The following ZAP70 variants were observed in gnomAD, a reference collection of about 807,000 sequenced individuals.
ZAP70 encodes the protein tyrosine-protein kinase ZAP-70.
In ZAP70, 27 loss-of-function variants were observed where a neutral mutation model predicts 65.8. The observed-to-expected ratio is 0.41, with a 90% CI of 0.30 to 0.57. ZAP70 has a LOEUF of 0.57. Ranked by LOEUF, ZAP70 falls within the 20% of genes least tolerant of loss-of-function variation. ZAP70 has a pLI of 0.28. For missense variants in ZAP70, 696 were observed against 870.5 expected (o/e 0.80, Z 2.52); for synonymous variants, 363 against 360.8 (o/e 1.01, Z -0.07).
In ZAP70 at chr2:97,739,651, C is replaced by A; in HGVS notation, c.*153C>A. 2 of 1,194,680 alleles carry A rather than the reference C, an allele frequency of 1.7e-6. No individual in the cohort carries two copies. The highest frequency in any genetic ancestry group is 2.3e-6 in the Non-Finnish European group (2 of 862,026). 74.0% of individuals were successfully genotyped at this position (1,194,680 alleles called of 1,614,324 possible). ...CTCAGGCCACACCGGCCTTGCATTGCCTGCCTGGCCCCCTGTCCTCTCTGG... is the reference window on the plus strand; with the variant it reads ...CTCAGGCCACACCGGCCTTGCATTGACTGCCTGGCCCCCTGTCCTCTCTGG... On this transcript the variant is annotated 3_prime_UTR_variant, in exon 14 of 14. Transcript: ENST00000264972.
the ZAP70 span, among the ~76,000 whole-genome samples, chr2:97,753,849 TGTG>T: frequency 6.6e-6 from 1 of 151,992 alleles, no homozygotes; most frequent in South Asian, 2.1e-4. Flanking sequence ...ATTAGCCAGA[TGTG>T]GTGGTCCGTG....
intron 4 of ZAP70, among the ~76,000 whole-genome samples, chr2:97,727,481 C>T (rs1275556724): frequency 1.3e-5 from 2 of 152,310 alleles, no homozygotes; most frequent in Admixed American, 1.3e-4. Context: ...CACCCCACCC[C>T]AGGTGTGACC....
downstream of ZAP70, among the ~76,000 whole-genome samples, chr2:97,743,165 T>C (rs1199753920): frequency 6.6e-6 from 1 of 152,226 alleles, no homozygotes; most frequent in Non-Finnish European, 1.5e-5. Context: ...GAGTTAGGCC[T>C]TGGTTCTGGC....
At chr2:97,752,030 T>C in the ZAP70 span, among the ~76,000 whole-genome samples, 37 of 152,302 alleles carry the variant, frequency 2.4e-4, no homozygotes, top group Admixed American at 1.3e-3. Flanking sequence ...AGTATCTCTG[T>C]CATTAGAAGT....
At chr2:97,725,304 G>T in intron 4 of ZAP70, 52 bp downstream of exon 4, 1 of 1,601,102 alleles carries the variant, frequency 6.2e-7, no homozygotes, top group South Asian at 1.1e-5. Flanking sequence ...TCGTTGGCAG[G>T]GATCCTGGGG....
At chr2:97,735,658 C>T (rs536057783) in intron 10 of ZAP70, among the ~76,000 whole-genome samples, 2 of 152,240 alleles carry the variant, frequency 1.3e-5, no homozygotes, top group Admixed American at 6.5e-5. Flanking sequence ...TGCACCAGTG[C>T]GGTAATAACA....
chr2:97,742,615 T>G (rs1169674895), downstream of ZAP70, among the ~76,000 whole-genome samples: 2 of 152,260 alleles, frequency 1.3e-5, no homozygotes, highest in Non-Finnish European at 2.9e-5. Context: ...TGGGGTCCCA[T>G]GTGCCTGTAG....
At chr2:97,732,299 G>A (rs1369398115) in intron 4 of ZAP70, among the ~76,000 whole-genome samples, 2 of 152,220 alleles carry the variant, frequency 1.3e-5, no homozygotes, top group Non-Finnish European at 2.9e-5. Context: ...GCACAGGGGT[G>A]CCCTGTAAGC....
At chr2:97,733,262 GC>G (rs1559325889) in intron 6 of ZAP70, 34 bp from the exon 7 acceptor site, 4 of 1,608,938 alleles carry the variant, frequency 2.5e-6, no homozygotes, top group East Asian at 4.5e-5. Context: ...AGGAGACCTG[GC>G]CCCCAGCCCT....
At position 97,734,996 on chromosome 2, in the gene ZAP70, G is replaced by C. The variant is rs993814273; in HGVS notation, c.1083-254G>C. 7.3e-4 allele frequency: 474 copies of C among 646,202 alleles called. 2 individuals carry two copies. Among genetic ancestry groups the C allele is most frequent in the Non-Finnish European group, 6.5e-4 (247 of 377,696 alleles). The allele number at this position is 646,202 out of a possible 1,614,324, so 40.0% of individuals were successfully genotyped here. On this transcript the variant is annotated intron_variant, in intron 9 of 13. Transcript: ENST00000264972. ...CCCTGAGTCCACTGGCCCCTGACAG[G>C]CTGCCCCTGGGGAGGGTGTCACTTT... is the stretch of plus-strand genomic sequence containing the variant.
chr2:97,738,441 G>A (rs1678002252), intron 13 of ZAP70: 1 of 393,242 alleles, frequency 2.5e-6, no homozygotes, highest in Non-Finnish European at 4.9e-6. Flanking sequence ...CTCAGGGCAT[G>A]AGATGATTCT....
intron 10 of ZAP70, among the ~76,000 whole-genome samples, chr2:97,735,794 A>T (rs1677851367): frequency 6.6e-6 from 1 of 152,194 alleles, no homozygotes; most frequent in Non-Finnish European, 1.5e-5. Flanking sequence ...CGGGTGGATC[A>T]TGAGGTCAAG....
Position 97,733,638 on chromosome 2 carries a change from A to C in ZAP70, c.889+43A>C, listed in dbSNP as rs56081234. 5.9e-3 allele frequency: 9,533 copies of C among 1,609,852 alleles called. 472 individuals are homozygous for C. The African/African-American group carries it at 0.11, about 18-fold the overall frequency. ...GGGACGCGGGTTGGGGCTCATGCTG[A>C]GCCGAGATCAGGGTCGCTGTCAGGG... On this transcript the variant is annotated intron_variant, in intron 8 of 13. Coordinates refer to ENST00000264972, the MANE Select transcript of ZAP70 (RefSeq NM_001079.4).
At chr2:97,753,480 C>T in the ZAP70 span, among the ~76,000 whole-genome samples, 1 of 152,182 alleles carries the variant, frequency 6.6e-6, no homozygotes, top group Non-Finnish European at 1.5e-5. Context: ...AACCTTTTAG[C>T]TCCGGAACAC....
chr2:97,725,394 A>G, intron 4 of ZAP70, 142 bp downstream of exon 4: 1 of 1,059,936 alleles, frequency 9.4e-7, no homozygotes, highest in South Asian at 1.5e-5. Context: ...TGTGTTTCTG[A>G]TGTGCAAAGG....
At position 97,737,698 on chromosome 2, in the gene ZAP70, T is replaced by C. The variant is rs757588248; in HGVS notation, c.1482+33T>C. The C allele has an allele frequency of 6.2e-6, 10 of 1,613,944 alleles. No individual in the cohort carries two copies. The highest frequency in any genetic ancestry group is 3.3e-4 in the Middle Eastern group (2 of 6,084). On this transcript the variant is annotated intron_variant, in intron 11 of 13. Coordinates refer to ENST00000264972, the MANE Select transcript of ZAP70 (RefSeq NM_001079.4). The surrounding 1 kb of genome is among the most constrained non-coding windows in gnomAD (Gnocchi z 5.0). ...TCTGCCCCTGTGATGCCCGACTGGA[T>C]GGGCTGGGTGGGTAGAGGGTCCCTG...
chr2:97,750,191 G>T, the ZAP70 span, among the ~76,000 whole-genome samples: 1 of 152,220 alleles, frequency 6.6e-6, no homozygotes. Flanking sequence ...GCACTCATGT[G>T]TACACCCAAA....
chr2:97,723,966 C>A, intron 2 of ZAP70, 50 bp from the exon 3 acceptor site: 1 of 1,529,102 alleles, frequency 6.5e-7, no homozygotes, highest in Non-Finnish European at 8.8e-7. Flanking sequence ...GCCCAACGCA[C>A]CAGGTTCAGG....
intron 2 of ZAP70, among the ~76,000 whole-genome samples, chr2:97,720,370 G>GGCGCCCACCACC (rs1243604143): frequency 1.3e-5 from 2 of 152,130 alleles, no homozygotes; most frequent in Non-Finnish European, 2.9e-5. Flanking sequence ...TGGGACTACA[G>GGCGCCCACCACC]GCGCCCACCA....
Sources: gnomAD v4.1 joint callset for allele counts (sites outside exome capture counted in the v4.1 genomes callset) on GRCh38, gnomAD v4.1.1 for gene constraint, Gnocchi (gnomAD v3.1) non-coding constraint, MANE v1.5 for transcripts, NCBI Gene and HGNC (gene_info 2026-07-23, HGNC 2026-07-21) for gene names.